The following TANK variants were observed in gnomAD, a reference collection of about 807,000 sequenced individuals.
TANK encodes the protein TRAF family member-associated NF-kappa-B activator.
In TANK, 15 loss-of-function variants were observed where a neutral mutation model predicts 43.6. The observed-to-expected ratio is 0.34, with a 90% CI of 0.23 to 0.53. The LOEUF is 0.53. Ranked by LOEUF, TANK falls within the 20% of genes least tolerant of loss-of-function variation. The probability of loss-of-function intolerance (pLI) is 0.94; values close to 1 mark genes in which losing one functional copy is unlikely to be tolerated. For synonymous variants in TANK, 162 were observed against 178.2 expected, an observed-to-expected ratio of 0.91 and a Z score of 0.73; for missense variants, 417 against 498.6, an observed-to-expected ratio of 0.84 and a Z score of 1.56.
chr2:161,185,212 G>A (rs951008828), intron 2 of TANK, among the ~76,000 whole-genome samples: 5 of 152,132 alleles, frequency 3.3e-5, no homozygotes, highest in Non-Finnish European at 4.4e-5. Flanking sequence ...ATCATAGAAG[G>A]CATTAGAAAA....
intron 4 of TANK, among the ~76,000 whole-genome samples, chr2:161,221,611 G>T (rs1049170862): frequency 6.6e-6 from 1 of 151,110 alleles, no homozygotes; most frequent in Non-Finnish European, 1.5e-5. Context: ...AACATGTTAT[G>T]CCCCATTCTA....
At chr2:161,163,712 A>G (rs1684546505) in intron 1 of TANK, among the ~76,000 whole-genome samples, 1 of 152,228 alleles carries the variant, frequency 6.6e-6, no homozygotes, top group Non-Finnish European at 1.5e-5. Context: ...GAGGGTTTCA[A>G]AATGAGTGGG....
At position 161,220,328 on chromosome 2, in the gene TANK, C is replaced by T. The variant is rs183899266; in HGVS notation, c.328-3587C>T. Among the ~76,000 whole-genome samples the T allele has an allele frequency of 9.0e-4, 137 of 152,248 alleles. 2 individuals carry two copies. Among genetic ancestry groups the T allele is most frequent in the African/African-American group, 2.9e-3 (120 of 41,538 alleles). On this transcript the variant is annotated intron_variant, in intron 4 of 7. Transcript: ENST00000392749. ...TTAAAAATTCCATAACTCAGCTGGGCGCGGTGGCTCACGCCTGTAATCCCA... is the reference window on the plus strand; with the variant it reads ...TTAAAAATTCCATAACTCAGCTGGGTGCGGTGGCTCACGCCTGTAATCCCA...
Position 161,232,618 on chromosome 2 carries a change from CAAATT to C in TANK, c.1101+1071_1101+1075del, listed in dbSNP as rs1287136322. The C allele has an allele frequency of 5.9e-5, 74 of 1,244,156 alleles. 1 individual carries two copies. Among genetic ancestry groups the C allele is most frequent in the Middle Eastern group, 2.1e-4 (1 of 4,760 alleles). The allele number at this position is 1,244,156 out of a possible 1,614,324, so 77.1% of individuals were successfully genotyped here. ...CAGTTATAGTTGCTACTAAATGAAA[CAAATT>C]AAACAATTTCATTTATTGCAAGTAG... On this transcript the variant is annotated intron_variant, in intron 7 of 7. Coordinates refer to ENST00000392749, the MANE Select transcript of TANK (RefSeq NM_001199135.3).
chr2:161,189,831 A>G (rs1420433788), intron 2 of TANK, among the ~76,000 whole-genome samples: 1 of 152,158 alleles, frequency 6.6e-6, no homozygotes, highest in African/African-American at 2.4e-5. Flanking sequence ...CATATACAAA[A>G]ATTAAAACAG....
chr2:161,147,016 T>C (rs1683929539), intron 1 of TANK, among the ~76,000 whole-genome samples: 2 of 152,248 alleles, frequency 1.3e-5, no homozygotes, highest in South Asian at 4.1e-4. Flanking sequence ...CCTGAGTCCC[T>C]GGCTGGAGTT....
intron 4 of TANK, chr2:161,212,513 C>T: frequency 1.0e-6 from 1 of 985,258 alleles, no homozygotes; most frequent in Non-Finnish European, 1.2e-6. Context: ...GAATTCAGTA[C>T]ATCATCTTAC....
At position 161,150,870 on chromosome 2, in the gene TANK, C is replaced by T. The variant is rs115411228; in HGVS notation, c.-50+13807C>T. On this transcript the variant is annotated intron_variant, in intron 1 of 7. Transcript: ENST00000259075. Reference sequence around the variant, plus strand: ...CCTCCCAAAGTCCTGGGATTACAGGCGTGAGCCAGCATGCCCAACTCTCAC... The same window carrying T: ...CCTCCCAAAGTCCTGGGATTACAGGTGTGAGCCAGCATGCCCAACTCTCAC... Among the ~76,000 whole-genome samples, 794 of 152,232 alleles carry T rather than the reference C, an allele frequency of 5.2e-3. 7 individuals are homozygous for T. Among genetic ancestry groups the T allele is most frequent in the African/African-American group, 0.018 (767 of 41,548 alleles).
At chr2:161,191,660 ATGTT>A (rs1201030685) in intron 2 of TANK, among the ~76,000 whole-genome samples, 4 of 152,240 alleles carry the variant, frequency 2.6e-5, no homozygotes, top group African/African-American at 9.6e-5. Context: ...TTTGCAAAAA[ATGTT>A]TGACCACAAA....
chr2:161,205,228 A>C (rs139411736), intron 4 of TANK, among the ~76,000 whole-genome samples: 1 of 152,184 alleles, frequency 6.6e-6, no homozygotes, highest in African/African-American at 2.4e-5. Context: ...CAGTAGGAGG[A>C]TTGTTTGGGC....
chr2:161,215,174 A>G (rs985306290), intron 4 of TANK, among the ~76,000 whole-genome samples: 1 of 152,214 alleles, frequency 6.6e-6, no homozygotes, highest in Non-Finnish European at 1.5e-5. Flanking sequence ...TGGGACCTTT[A>G]AGGATCCTGG....
intron 1 of TANK, chr2:161,161,131 G>T: frequency 7.6e-7 from 1 of 1,318,628 alleles, no homozygotes; most frequent in Non-Finnish European, 1.0e-6. Flanking sequence ...GGTGTAAACT[G>T]ACTAGCAACG....
chr2:161,166,703 C>A (rs1258910815), intron 1 of TANK, among the ~76,000 whole-genome samples: 2 of 151,976 alleles, frequency 1.3e-5, no homozygotes, highest in Non-Finnish European at 2.9e-5. Context: ...GGAAGGATTG[C>A]TTGAGGCGAG....
At chr2:161,201,074 A>G (rs1686386796) in intron 2 of TANK, 1 of 981,376 alleles carries the variant, frequency 1.0e-6, no homozygotes, top group African/African-American at 1.7e-5. Flanking sequence ...TATAACTGCT[A>G]AATACAAGTA....
chr2:161,188,537 C>A (rs1340695871), intron 2 of TANK, among the ~76,000 whole-genome samples: 1 of 152,132 alleles, frequency 6.6e-6, no homozygotes, highest in East Asian at 1.9e-4. Context: ...TAATCAAAAA[C>A]TTCCCAACAA....
At chr2:161,161,117 C>A in intron 1 of TANK, 1 of 1,217,504 alleles carries the variant, frequency 8.2e-7, no homozygotes, top group Non-Finnish European at 1.1e-6. Context: ...AGAGTCCTCA[C>A]GCCGGTGTAA....
chr2:161,150,230 C>T (rs1162743274), intron 1 of TANK, among the ~76,000 whole-genome samples: 8 of 152,068 alleles, frequency 5.3e-5, no homozygotes, highest in African/African-American at 1.9e-4. Flanking sequence ...GGAATTTGTA[C>T]AGTTCATCTA....
chr2:161,226,965 A>G (rs965312600), intron 6 of TANK: 2 of 152,268 alleles, frequency 1.3e-5, no homozygotes, highest in African/African-American at 4.8e-5. Context: ...AAACTGGGAA[A>G]TCTAAAAATA....
At chr2:161,148,633 G>A (rs1683985120) in intron 1 of TANK, among the ~76,000 whole-genome samples, 1 of 152,176 alleles carries the variant, frequency 6.6e-6, no homozygotes. Context: ...TTGTCTAAGT[G>A]TGCTATTATG....
Sources: gnomAD v4.1 joint callset for allele counts (sites outside exome capture counted in the v4.1 genomes callset) on GRCh38, gnomAD v4.1.1 for gene constraint, MANE v1.5 for transcripts, NCBI Gene and HGNC (gene_info 2026-07-23, HGNC 2026-07-21) for gene names.